The following ELF4 variants were observed in gnomAD, a reference collection of about 807,000 sequenced individuals.
The protein encoded by ELF4 is E74 like ETS transcription factor 4.
In ELF4, 10 loss-of-function variants were observed where a neutral mutation model predicts 31.7. That is an observed-to-expected ratio of 0.32 (90% CI 0.19 to 0.54). ELF4 has a LOEUF of 0.54. Among genes scored for constraint, ELF4 ranks in the 20% least tolerant of loss-of-function variants. The pLI is 0.95. For synonymous variants in ELF4, 208 were observed against 226.7 expected (o/e 0.92, Z 0.74); for missense variants, 418 against 522.0 (o/e 0.80, Z 1.94).
At chrX:130,085,542 C>T (rs1429608839) in intron 1 of ELF4, among the ~76,000 whole-genome samples, 1 of 111,143 alleles carries the variant, frequency 9.0e-6, no homozygotes. Context: ...AAGCCACGTC[C>T]ACAGTCTCCG....
chrX:130,074,470 G>A, intron 3 of ELF4, 111 bp downstream of exon 3: 1 of 1,044,633 alleles, frequency 9.6e-7, no homozygotes, highest in Non-Finnish European at 1.3e-6. Flanking sequence ...TTTTTGGCTG[G>A]TGGACTTGCC....
Position 130,094,139 on chromosome X carries a change from C to T in ELF4, c.-209-12600G>A, listed in dbSNP as rs776273775. ...CTCAGACTTTGGAGGCCAAGGTGGG[C>T]GGATCATGAGGTCAGGTGGGCGGAT... On this transcript the variant is annotated intron_variant, in intron 1 of 8. Coordinates refer to ENST00000308167, the MANE Select transcript of ELF4 (RefSeq NM_001421.4). Among the ~76,000 whole-genome samples, 33 of 109,103 alleles carry T rather than the reference C, an allele frequency of 3.0e-4. No homozygotes were observed. In the South Asian group the frequency reaches 4.2e-3, roughly 14 times the overall value. The allele number at this position is 109,103 out of a possible 115,157, so 94.7% of individuals were successfully genotyped here. A position where few individuals can be genotyped will look rare whatever the true frequency, so the allele number is the denominator to read the frequency against.
At position 130,069,316 on chromosome X, in the gene ELF4, G is replaced by A. The variant is rs199996554; in HGVS notation, c.1171C>T (p.Leu391Phe). ...TGCCCTTACCTCACAGCTTTGGTGA[G>A]CTTGACCTGGCCCTCTGCTGGAGAG... is the stretch of plus-strand genomic sequence containing the variant. ...LVSPAEGQVK[L>F]TKAVSASSVP... Residue 391 changes from leucine to phenylalanine, a missense_variant, in exon 8 of 9, where the codon CTC becomes TTC. This residue lies in a region of ELF4 where 260 missense variants were observed against 269.2 expected (regional missense o/e 0.97). Coordinates refer to ENST00000308167, the MANE Select transcript of ELF4 (RefSeq NM_001421.4). 1 of 1,210,740 alleles carries A rather than the reference G, an allele frequency of 8.3e-7. No individual in the cohort carries two copies. Among genetic ancestry groups the A allele is most frequent in the African/African-American group, 1.7e-5 (1 of 57,490 alleles).
intron 4 of ELF4, among the ~76,000 whole-genome samples, chrX:130,073,374 A>C (rs1388157586): frequency 8.9e-6 from 1 of 111,886 alleles, no homozygotes; most frequent in Non-Finnish European, 1.9e-5. Context: ...GGTGTGAGCC[A>C]CCACACCCGG....
intron 2 of ELF4, among the ~76,000 whole-genome samples, chrX:130,080,259 T>C (rs758436327): frequency 1.5e-4 from 17 of 110,059 alleles, no homozygotes; most frequent in Admixed American, 2.9e-4. Flanking sequence ...CGGTCTCTAC[T>C]AATAATACAC....
At chrX:130,087,309 C>T (rs1932976216) in intron 1 of ELF4, among the ~76,000 whole-genome samples, 1 of 112,361 alleles carries the variant, frequency 8.9e-6, no homozygotes, top group African/African-American at 3.2e-5. Flanking sequence ...GAAGCCCCTG[C>T]AGATCCTAAG....
chrX:130,108,757 C>T (rs1240937348), intron 1 of ELF4, among the ~76,000 whole-genome samples: 7 of 110,297 alleles, frequency 6.3e-5, no homozygotes, highest in Non-Finnish European at 1.3e-4. Context: ...GCCACTCCTT[C>T]GGCTCACAGC....
intron 1 of ELF4, among the ~76,000 whole-genome samples, chrX:130,089,172 T>G (rs1295234028): frequency 1.8e-5 from 2 of 109,633 alleles, no homozygotes; most frequent in African/African-American, 6.7e-5. Flanking sequence ...CTCCTGGGGT[T>G]CCTCCTTCTC....
intron 1 of ELF4, among the ~76,000 whole-genome samples, chrX:130,098,665 C>G (rs1213062868): frequency 8.9e-6 from 1 of 112,093 alleles, no homozygotes; most frequent in African/African-American, 3.2e-5. Flanking sequence ...ACTGAGCGAG[C>G]TAAAAGATTA....
At chrX:130,102,167 A>C (rs1933273861) in intron 1 of ELF4, among the ~76,000 whole-genome samples, 1 of 112,805 alleles carries the variant, frequency 8.9e-6, no homozygotes, top group Admixed American at 9.4e-5. Flanking sequence ...AAAACACCAA[A>C]CATATTTGTT....
chrX:130,078,762 TACAC>T (rs530565075), intron 2 of ELF4, among the ~76,000 whole-genome samples: 10,293 of 84,647 alleles, frequency 0.12, 534 homozygotes, highest in African/African-American at 0.15. Flanking sequence ...TCTCTCTCTC[TACAC>T]ACACACACAC....
At chrX:130,073,726 G>C (rs774748130) in intron 4 of ELF4, among the ~76,000 whole-genome samples, 51 of 109,609 alleles carry the variant, frequency 4.7e-4, no homozygotes, top group Non-Finnish European at 9.2e-4. Context: ...TGGTCAGGCT[G>C]GTCTCGAACT....
chrX:130,102,229 T>C (rs989320581), intron 1 of ELF4, among the ~76,000 whole-genome samples: 6 of 112,820 alleles, frequency 5.3e-5, no homozygotes, highest in Middle Eastern at 4.6e-3. Flanking sequence ...AAGAAAATGT[T>C]ATGGACAAGT....
intron 1 of ELF4, among the ~76,000 whole-genome samples, chrX:130,092,878 T>C (rs750077351): frequency 9.0e-6 from 1 of 110,699 alleles, no homozygotes; most frequent in Admixed American, 9.7e-5. Flanking sequence ...TACTTGGGGA[T>C]TGGTTCCAGG....
At chrX:130,105,819 C>T (rs1416205677) in intron 1 of ELF4, among the ~76,000 whole-genome samples, 4 of 108,078 alleles carry the variant, frequency 3.7e-5, no homozygotes, top group Admixed American at 1.0e-4. Context: ...AAGTGCCCTA[C>T]GTCTCCCCTG....
At chrX:130,107,980 G>A (rs748201982) in intron 1 of ELF4, among the ~76,000 whole-genome samples, 3 of 112,078 alleles carry the variant, frequency 2.7e-5, no homozygotes, top group Admixed American at 9.5e-5. Flanking sequence ...AGGCGGAGGC[G>A]GGTGGATCAC....
chrX:130,075,793 G>A (rs1932829605), intron 2 of ELF4, among the ~76,000 whole-genome samples: 1 of 111,560 alleles, frequency 9.0e-6, no homozygotes, highest in African/African-American at 3.3e-5. Context: ...AGACATCTTC[G>A]GGCTCCGTCT....
intron 1 of ELF4, among the ~76,000 whole-genome samples, chrX:130,099,023 C>T (rs1197685036): frequency 8.9e-6 from 1 of 112,534 alleles, no homozygotes; most frequent in African/African-American, 3.2e-5. Context: ...AGTCATACTT[C>T]CAAGAAATTT....
At chrX:130,104,637 G>A in intron 1 of ELF4, among the ~76,000 whole-genome samples, 1 of 112,110 alleles carries the variant, frequency 8.9e-6, no homozygotes, top group Non-Finnish European at 1.9e-5. Context: ...TGTGAGATGG[G>A]CGCTGACTCC....
Sources: allele counts gnomAD v4.1 joint callset (sites outside exome capture counted in the v4.1 genomes callset), GRCh38; gene constraint gnomAD v4.1.1; regional missense constraint gnomAD v4.1.1; transcripts MANE v1.5; gene names NCBI Gene and HGNC (gene_info 2026-07-23, HGNC 2026-07-21).